KAZN: variants seen among roughly 807,000 people sequenced by gnomAD.
KAZN encodes the protein kazrin.
KAZN carries 40 observed loss-of-function variants against 87.4 expected under a neutral mutation model. The observed-to-expected ratio is 0.46, with a 90% CI of 0.36 to 0.60. KAZN has a LOEUF of 0.60. Ranked by LOEUF, KAZN falls within the 20% of genes least tolerant of loss-of-function variation. The probability of loss-of-function intolerance (pLI) is 0.00; values close to 1 mark genes in which losing one functional copy is unlikely to be tolerated. For missense variants in KAZN, 898 were observed against 1,073.9 expected (o/e 0.84, Z 2.29); for synonymous variants, 466 against 458.3 (o/e 1.02, Z -0.22).
At chr1:14,966,485 T>C (rs930420071) in intron 2 of KAZN, among the ~76,000 whole-genome samples, 1 of 152,172 alleles carries the variant, frequency 6.6e-6, no homozygotes, top group East Asian at 1.9e-4. Context: ...GTATTAATAG[T>C]TGGAGAAGGA....
At chr1:14,944,317 A>T (rs1275097784) in intron 1 of KAZN, among the ~76,000 whole-genome samples, 1 of 151,756 alleles carries the variant, frequency 6.6e-6, no homozygotes, top group Non-Finnish European at 1.5e-5. Flanking sequence ...TCTGTAAGTG[A>T]AGTAAGGGTG....
intron 2 of KAZN, among the ~76,000 whole-genome samples, chr1:14,203,545 T>C (rs1288161290): frequency 1.3e-5 from 2 of 152,208 alleles, no homozygotes; most frequent in Non-Finnish European, 2.9e-5. Flanking sequence ...GTATTTCAAT[T>C]AGAGGAAAGA....
chr1:14,138,596 G>A (rs563789979), intron 1 of KAZN, among the ~76,000 whole-genome samples: 3 of 152,092 alleles, frequency 2.0e-5, no homozygotes, highest in Admixed American at 6.6e-5. Context: ...GGACATCTCC[G>A]CATTGTTGGA....
At chr1:14,501,934 G>T (rs1023608872) in intron 2 of KAZN, among the ~76,000 whole-genome samples, 2 of 152,182 alleles carry the variant, frequency 1.3e-5, no homozygotes, top group Non-Finnish European at 2.9e-5. Flanking sequence ...AGAAACAGCA[G>T]ATCAGTTCTT....
At chr1:14,933,217 A>G (rs1270434323) in intron 1 of KAZN, among the ~76,000 whole-genome samples, 3 of 152,128 alleles carry the variant, frequency 2.0e-5, no homozygotes, top group Non-Finnish European at 4.4e-5. Flanking sequence ...TCAGCCTCCC[A>G]AGTAGCTGAG....
At chr1:14,554,279 A>G (rs1306939176) in intron 2 of KAZN, among the ~76,000 whole-genome samples, 1 of 152,126 alleles carries the variant, frequency 6.6e-6, no homozygotes, top group African/African-American at 2.4e-5. Flanking sequence ...CCACACAAAT[A>G]CAGCAGCAAA....
rs1196287746 is a variant in KAZN, at chr1:15,096,839, A to G, written c.1547+1906A>G. Among the ~76,000 whole-genome samples, 5 of 152,210 alleles carry G rather than the reference A, an allele frequency of 3.3e-5. No homozygotes were observed. Among genetic ancestry groups the G allele is most frequent in the Admixed American group, 3.3e-4 (5 of 15,280 alleles). ...TAATCAGCTCCCAAAGGCCCCAGCC[A>G]CAAATACCATCACATCGAAGGTTAG... On this transcript the variant is annotated intron_variant, in intron 10 of 14. Transcript: ENST00000376030. The surrounding 1 kb of genome is among the most constrained non-coding windows in gnomAD (Gnocchi z 4.5).
At chr1:14,929,364 A>G (rs2101561629) in intron 1 of KAZN, among the ~76,000 whole-genome samples, 1 of 152,334 alleles carries the variant, frequency 6.6e-6, no homozygotes, top group East Asian at 1.9e-4. Flanking sequence ...AATCTCCATA[A>G]TGGGCACCAA....
chr1:14,038,524 G>A lies in KAZN; in HGVS notation c.92-141911G>A, dbSNP rs555707823. Among the ~76,000 whole-genome samples, 42 of 152,304 alleles carry A rather than the reference G, an allele frequency of 2.8e-4. No individual in the cohort carries two copies. The South Asian group carries it at 6.0e-3, about 22-fold the overall frequency. Reference sequence around the variant, plus strand: ...AATGAGGTCTGAGGGCAGGGCTCCAGGTTGCCCTCCTTTTCAATATACCTT... The same window carrying A: ...AATGAGGTCTGAGGGCAGGGCTCCAAGTTGCCCTCCTTTTCAATATACCTT... On this transcript the variant is annotated intron_variant, in intron 1 of 16. Coordinates refer to the KAZN transcript ENST00000636203.
intron 2 of KAZN, among the ~76,000 whole-genome samples, chr1:14,265,777 A>G (rs2100664752): frequency 6.6e-6 from 1 of 152,186 alleles, no homozygotes; most frequent in Admixed American, 6.5e-5. Context: ...AGAACTCAGG[A>G]CTCCTATTTG....
intron 1 of KAZN, among the ~76,000 whole-genome samples, chr1:14,714,937 G>GGCAC: frequency 6.6e-6 from 1 of 151,776 alleles, no homozygotes; most frequent in East Asian, 1.9e-4. Flanking sequence ...TGGAACTATA[G>GGCAC]GCACACACCA....
At chr1:15,103,229 T>C (rs1489836347) in intron 11 of KAZN, 130 bp from the exon 12 acceptor site, 1 of 670,552 alleles carries the variant, frequency 1.5e-6, no homozygotes. Flanking sequence ...ATAGCACCAC[T>C]GCACTCATGC....
intron 2 of KAZN, among the ~76,000 whole-genome samples, chr1:14,589,341 A>T (rs947655300): frequency 6.6e-6 from 1 of 151,948 alleles, no homozygotes; most frequent in South Asian, 2.1e-4. Context: ...TAAAAAAAAA[A>T]AAAAGGGAGG....
At chr1:14,664,537 T>G (rs923174484) in intron 1 of KAZN, among the ~76,000 whole-genome samples, 2 of 152,202 alleles carry the variant, frequency 1.3e-5, no homozygotes, top group Non-Finnish European at 2.9e-5. Flanking sequence ...TACCTGATTA[T>G]GCATCAGAAT....
At chr1:14,588,236 C>A (rs1400011077) in intron 2 of KAZN, among the ~76,000 whole-genome samples, 1 of 152,148 alleles carries the variant, frequency 6.6e-6, no homozygotes, top group Non-Finnish European at 1.5e-5. Context: ...TCAAGCAAAT[C>A]TGGATTTTGA....
intron 2 of KAZN, among the ~76,000 whole-genome samples, chr1:14,974,223 C>T (rs1665378877): frequency 1.3e-5 from 2 of 151,914 alleles, no homozygotes; most frequent in South Asian, 4.2e-4. Context: ...CTAGGAGTCA[C>T]TTAGCATCAC....
At chr1:14,739,665 CT>C (rs144545708) in intron 1 of KAZN, among the ~76,000 whole-genome samples, 26 of 148,428 alleles carry the variant, frequency 1.8e-4, no homozygotes, top group Non-Finnish European at 2.1e-4. Context: ...CCAACTTCCC[CT>C]TTTTTTTTTG....
At chr1:14,104,144 C>T (rs936742473) in intron 1 of KAZN, among the ~76,000 whole-genome samples, 23 of 152,078 alleles carry the variant, frequency 1.5e-4, no homozygotes, top group Admixed American at 1.3e-3. Context: ...GAGCTGGGGA[C>T]GAGGGAGGAA....
At chr1:14,373,672 GTT>G (rs1209535626) in intron 2 of KAZN, among the ~76,000 whole-genome samples, 1 of 152,154 alleles carries the variant, frequency 6.6e-6, no homozygotes, top group African/African-American at 2.4e-5. Context: ...CAAAGCAAAA[GTT>G]TGTCTTCTTT....
Sources: allele counts gnomAD v4.1 joint callset (sites outside exome capture counted in the v4.1 genomes callset), GRCh38; gene constraint gnomAD v4.1.1; non-coding constraint Gnocchi (gnomAD v3.1); transcripts MANE v1.5; gene names NCBI Gene and HGNC (gene_info 2026-07-23, HGNC 2026-07-21).